The following FSTL4 variants were observed in gnomAD, a reference collection of about 807,000 sequenced individuals.
The protein encoded by FSTL4 is follistatin-related protein 4.
A neutral mutation model predicts 78.2 loss-of-function variants in FSTL4; 28 were observed. The observed-to-expected ratio is 0.36, with a 90% confidence interval of 0.27 to 0.49. The LOEUF (loss-of-function observed/expected upper bound fraction) is 0.49. Among genes scored for constraint, FSTL4 ranks in the 20% least tolerant of loss-of-function variants. The pLI is 0.98. For synonymous variants in FSTL4, 422 were observed against 440.5 expected (o/e 0.96, Z 0.53); for missense variants, 922 against 1,084.9 (o/e 0.85, Z 2.11).
chr5:133,209,657 C>G (rs1414699039), intron 14 of FSTL4: 2 of 152,290 alleles, frequency 1.3e-5, no homozygotes, highest in Admixed American at 1.3e-4. Flanking sequence ...ATCTCTGGAG[C>G]CCAAGCTCTA....
At chr5:133,713,878 G>C in the FSTL4 span, among the ~76,000 whole-genome samples, 1 of 152,306 alleles carries the variant, frequency 6.6e-6, no homozygotes, top group South Asian at 2.1e-4. Context: ...GTAGTGTTGG[G>C]CAATGCACAG....
chr5:133,234,796 A>G (rs1751604742), intron 7 of FSTL4, among the ~76,000 whole-genome samples: 1 of 152,202 alleles, frequency 6.6e-6, no homozygotes. Context: ...TGTGGACAAT[A>G]TATACGGCCT....
At chr5:133,378,920 T>C (rs921657594) in intron 4 of FSTL4, among the ~76,000 whole-genome samples, 6 of 152,064 alleles carry the variant, frequency 3.9e-5, no homozygotes, top group Admixed American at 1.3e-4. Flanking sequence ...TCCAACTATA[T>C]CAATAAACAT....
At chr5:133,260,179 C>A (rs1348448388) in intron 6 of FSTL4, among the ~76,000 whole-genome samples, 1 of 152,196 alleles carries the variant, frequency 6.6e-6, no homozygotes, top group African/African-American at 2.4e-5. Context: ...GCTCGAGCAG[C>A]CGAAGGCAGA....
At chr5:133,606,669 C>T (rs1439035105) in intron 1 of FSTL4, among the ~76,000 whole-genome samples, 1 of 152,226 alleles carries the variant, frequency 6.6e-6, no homozygotes, top group African/African-American at 2.4e-5. Context: ...GCAAGGTCTA[C>T]TTTTCTCCCT....
At chr5:133,712,428 C>G in the FSTL4 span, among the ~76,000 whole-genome samples, 5 of 152,120 alleles carry the variant, frequency 3.3e-5, no homozygotes, top group Non-Finnish European at 7.4e-5. Flanking sequence ...AAGAGTGGGT[C>G]GAGAGCTGAT....
rs867061801 is a variant in FSTL4 at position 133,460,687 on chromosome 5, A to T, written c.161-59701T>A. On this transcript the variant is annotated intron_variant, in intron 3 of 15. Transcript: ENST00000265342. ...TGGAAACTTTCTACAGGGAGTATTC[A>T]CTGGGTCAGGGCAGGCCTGAATGCT... 5.9e-5 allele frequency among the ~76,000 whole-genome samples: 9 copies of T among 152,158 alleles called. No individual in the cohort carries two copies. In the South Asian group the frequency reaches 1.0e-3, roughly 18 times the overall value.
chr5:133,407,570 C>A (rs576829934), intron 3 of FSTL4, among the ~76,000 whole-genome samples: 41 of 152,282 alleles, frequency 2.7e-4, no homozygotes, highest in African/African-American at 9.9e-4. Context: ...CAGATCCTAA[C>A]CTGAGGTCTG....
At chr5:133,677,581 C>G in the FSTL4 span, among the ~76,000 whole-genome samples, 2 of 152,194 alleles carry the variant, frequency 1.3e-5, no homozygotes, top group South Asian at 4.1e-4. Flanking sequence ...GACTTAATTT[C>G]TGATCCTAAG....
chr5:133,451,812 C>T (rs1310839655), intron 3 of FSTL4, among the ~76,000 whole-genome samples: 1 of 152,106 alleles, frequency 6.6e-6, no homozygotes, highest in Non-Finnish European at 1.5e-5. Flanking sequence ...TCAAGTTGGG[C>T]GGAAGAATTG....
intron 6 of FSTL4, chr5:133,252,172 T>C (rs1243281624): frequency 6.6e-6 from 1 of 152,262 alleles, no homozygotes; most frequent in Non-Finnish European, 1.5e-5. Context: ...TACAATGGAT[T>C]GAGCATTTAG....
intron 6 of FSTL4, among the ~76,000 whole-genome samples, chr5:133,283,260 GTGTC>G (rs1561656091): frequency 6.6e-6 from 1 of 151,852 alleles, no homozygotes; most frequent in East Asian, 1.9e-4. Flanking sequence ...GTGTGTGTGT[GTGTC>G]TGTGTGTGTG....
chr5:133,578,302 C>T (rs1467279060), intron 2 of FSTL4, among the ~76,000 whole-genome samples: 1 of 152,266 alleles, frequency 6.6e-6, no homozygotes, highest in Non-Finnish European at 1.5e-5. Context: ...AGATCTGAAT[C>T]ACCTGATTGT....
At chr5:133,715,659 G>C in the FSTL4 span, among the ~76,000 whole-genome samples, 1 of 152,218 alleles carries the variant, frequency 6.6e-6, no homozygotes, top group Non-Finnish European at 1.5e-5. Context: ...AGCAGCCACA[G>C]CCCACAGGAC....
chr5:133,653,164 G>A, the FSTL4 span, among the ~76,000 whole-genome samples: 1 of 152,300 alleles, frequency 6.6e-6, no homozygotes, highest in Admixed American at 6.5e-5. Flanking sequence ...ATGCTAGAAG[G>A]AAGGGCCTTT....
the FSTL4 span, among the ~76,000 whole-genome samples, chr5:133,731,453 C>A: frequency 6.6e-6 from 1 of 152,184 alleles, no homozygotes; most frequent in Non-Finnish European, 1.5e-5. Flanking sequence ...TACCCCAAGG[C>A]CACACAGCAA....
chr5:133,329,441 T>C (rs1754292194), intron 4 of FSTL4, among the ~76,000 whole-genome samples: 1 of 152,136 alleles, frequency 6.6e-6, no homozygotes, highest in Non-Finnish European at 1.5e-5. Context: ...CTTACACACC[T>C]GTAACAGGTT....
chr5:133,459,697 T>A (rs1757556163), intron 3 of FSTL4, among the ~76,000 whole-genome samples: 1 of 152,152 alleles, frequency 6.6e-6, no homozygotes, highest in South Asian at 2.1e-4. Context: ...GGAAAGAGGC[T>A]GTGGGGGCCA....
At chr5:133,560,805 G>C (rs561383190) in intron 3 of FSTL4, among the ~76,000 whole-genome samples, 81 of 151,886 alleles carry the variant, frequency 5.3e-4, no homozygotes, top group African/African-American at 1.9e-3. Flanking sequence ...ATAATTCTTC[G>C]GCCAGGAGTG....
Sources: allele counts gnomAD v4.1 joint callset (sites outside exome capture counted in the v4.1 genomes callset), GRCh38; gene constraint gnomAD v4.1.1; transcripts MANE v1.5; gene names NCBI Gene and HGNC (gene_info 2026-07-23, HGNC 2026-07-21).